The following CDK13 variants were observed in gnomAD, a reference collection of about 807,000 sequenced individuals.
The protein encoded by CDK13 is cyclin dependent kinase 13, also known as cyclin-dependent kinase 13.
Under a neutral mutation model 137.6 loss-of-function variants are expected in CDK13, and 40 were observed. That is an observed-to-expected ratio of 0.29 (90% confidence interval 0.23 to 0.38). The LOEUF (loss-of-function observed/expected upper bound fraction) is 0.38. Ranked by LOEUF, CDK13 falls within the 10% of genes least tolerant of loss-of-function variation. The pLI is 1.00. For missense variants in CDK13, 1,704 were observed against 1,951.8 expected (o/e 0.87, Z 2.39); for synonymous variants, 869 against 760.1 (o/e 1.14, Z -2.36).
rs1784935486 is a variant in CDK13, at chr7:40,013,318, GGA to G, written c.2353+11291_2353+11292del. ...AGTTTTGCAAGATTAAAAGAGTTGT[GGA>G]GAGGGGTGGTAGTCATGGTTGCACA... On this transcript the variant is annotated intron_variant, in intron 5 of 13. Transcript: ENST00000181839. Among the ~76,000 whole-genome samples, 11 of 152,268 alleles carry G rather than the reference GGA, an allele frequency of 7.2e-5. No individual in the cohort carries two copies. In the South Asian group the frequency reaches 2.3e-3, roughly 32 times the overall value.
chr7:40,004,174 A>C (rs1044961162), intron 5 of CDK13, among the ~76,000 whole-genome samples: 4 of 152,076 alleles, frequency 2.6e-5, no homozygotes, highest in African/African-American at 9.7e-5. Context: ...CTACTTGTGA[A>C]TATATTAATA....
chr7:40,065,293 G>A (rs929159766), intron 9 of CDK13, among the ~76,000 whole-genome samples: 3 of 151,970 alleles, frequency 2.0e-5, no homozygotes, highest in Non-Finnish European at 2.9e-5. Context: ...AAACAACAAA[G>A]TCTCTTAACT....
chr7:39,963,909 T>C (rs1452447213), intron 1 of CDK13, among the ~76,000 whole-genome samples: 2 of 152,242 alleles, frequency 1.3e-5, no homozygotes. Flanking sequence ...GCCGTTTATA[T>C]GCTGGATTAC....
intron 7 of CDK13, among the ~76,000 whole-genome samples, chr7:40,049,529 T>C (rs1047051439): frequency 6.6e-6 from 1 of 152,174 alleles, no homozygotes; most frequent in African/African-American, 2.4e-5. Flanking sequence ...TTTTGAAATA[T>C]GTATACATTG....
At chr7:40,013,882 G>A (rs1349302176) in intron 5 of CDK13, among the ~76,000 whole-genome samples, 1 of 152,046 alleles carries the variant, frequency 6.6e-6, no homozygotes, top group Non-Finnish European at 1.5e-5. Flanking sequence ...GGGTGTCTCT[G>A]TTATAAAAGA....
intron 9 of CDK13, chr7:40,069,174 A>G (rs1210756074): frequency 3.2e-5 from 12 of 374,554 alleles, no homozygotes; most frequent in Non-Finnish European, 4.7e-5. Context: ...GGTCGAGGCT[A>G]CAGTGAACTG....
intron 5 of CDK13, among the ~76,000 whole-genome samples, chr7:40,006,334 G>A (rs573396051): frequency 1.3e-5 from 2 of 152,244 alleles, no homozygotes; most frequent in Non-Finnish European, 1.5e-5. Flanking sequence ...GAACTGTTGG[G>A]TGTTTATACT....
At chr7:40,052,933 T>C (rs2150520976) in intron 7 of CDK13, among the ~76,000 whole-genome samples, 1 of 152,074 alleles carries the variant, frequency 6.6e-6, no homozygotes, top group South Asian at 2.1e-4. Context: ...CTTCTGAGAA[T>C]CACTAGACAA....
chr7:40,053,935 T>A (rs1353239592), intron 7 of CDK13, among the ~76,000 whole-genome samples: 1 of 152,194 alleles, frequency 6.6e-6, no homozygotes, highest in East Asian at 1.9e-4. Context: ...TTAGAAAATT[T>A]AAGTGCATTT....
At chr7:40,042,281 A>G (rs1394153198) in intron 5 of CDK13, among the ~76,000 whole-genome samples, 1 of 151,574 alleles carries the variant, frequency 6.6e-6, no homozygotes, top group African/African-American at 2.4e-5. Flanking sequence ...GGGTTTCACC[A>G]TGTTGGCCAG....
intron 1 of CDK13, among the ~76,000 whole-genome samples, chr7:39,966,667 C>G (rs996030324): frequency 1.2e-4 from 19 of 152,154 alleles, no homozygotes; most frequent in Non-Finnish European, 1.9e-4. Flanking sequence ...GAGCTGCGTT[C>G]CTTTGGAGGA....
At chr7:40,045,405 C>T (rs931735226) in intron 5 of CDK13, among the ~76,000 whole-genome samples, 8 of 148,152 alleles carry the variant, frequency 5.4e-5, no homozygotes, top group African/African-American at 1.7e-4. Flanking sequence ...ATTTAGAAGT[C>T]GCCTAACATC....
intron 3 of CDK13, chr7:39,998,960 T>A (rs1306529419): frequency 6.5e-6 from 1 of 152,788 alleles, no homozygotes; most frequent in African/African-American, 2.4e-5. Flanking sequence ...AAACTCTTGT[T>A]TCGTAAAAGT....
At chr7:40,082,977 C>T (rs1295429283) in intron 11 of CDK13, among the ~76,000 whole-genome samples, 1 of 151,856 alleles carries the variant, frequency 6.6e-6, no homozygotes, top group East Asian at 1.9e-4. Context: ...GTGGCACACG[C>T]CTGTAATCCC....
At chr7:40,014,873 C>T (rs1784972580) in intron 5 of CDK13, among the ~76,000 whole-genome samples, 1 of 152,000 alleles carries the variant, frequency 6.6e-6, no homozygotes, top group African/African-American at 2.4e-5. Flanking sequence ...TAATAATGTT[C>T]ATCTTTTGAG....
chr7:40,004,896 G>A (rs1784764796), intron 5 of CDK13, among the ~76,000 whole-genome samples: 1 of 152,170 alleles, frequency 6.6e-6, no homozygotes, highest in Non-Finnish European at 1.5e-5. Flanking sequence ...GCCTGGCATA[G>A]TGGCTTAAAC....
chr7:39,999,066 C>T (rs1784625233), intron 3 of CDK13: 1 of 199,532 alleles, frequency 5.0e-6, no homozygotes, highest in Non-Finnish European at 1.0e-5. Context: ...CATCTTCTCA[C>T]TGAAAAATTA....
intron 4 of CDK13, among the ~76,000 whole-genome samples, chr7:40,000,820 AT>A (rs1333879645): frequency 6.6e-6 from 1 of 151,936 alleles, no homozygotes. Context: ...TTGTAAGAAC[AT>A]TTTTTTTCTC....
intron 11 of CDK13, among the ~76,000 whole-genome samples, chr7:40,084,367 A>G (rs1029269968): frequency 1.3e-5 from 2 of 152,206 alleles, no homozygotes; most frequent in Non-Finnish European, 2.9e-5. Context: ...AATCCCAACT[A>G]CTTGAGAGGC....
Sources: allele counts gnomAD v4.1 joint callset (sites outside exome capture counted in the v4.1 genomes callset), GRCh38; gene constraint gnomAD v4.1.1; transcripts MANE v1.5; gene names NCBI Gene and HGNC (gene_info 2026-07-23, HGNC 2026-07-21).